Variants in TBC1D19 observed in about 807,000 individuals in gnomAD.
The protein encoded by TBC1D19 is TBC1 domain family member 19, also known as TBC1 domain family, member 19.
Under a neutral mutation model 89.0 loss-of-function variants are expected in TBC1D19, and 60 were observed. The ratio of observed to expected loss-of-function variants is 0.67; its 90% CI spans 0.55 to 0.84. The LOEUF (loss-of-function observed/expected upper bound fraction) is 0.84. Ranked by LOEUF, TBC1D19 falls within the 40% of genes least tolerant of loss-of-function variation. The probability of loss-of-function intolerance (pLI) is 0.00; values close to 1 mark genes in which losing one functional copy is unlikely to be tolerated. For synonymous variants in TBC1D19, 189 were observed against 199.7 expected (o/e 0.95, Z 0.45); for missense variants, 500 against 610.8 (o/e 0.82, Z 1.91).
chr4:26,664,852 C>A (rs1167822279), intron 8 of TBC1D19, among the ~76,000 whole-genome samples: 2 of 152,074 alleles, frequency 1.3e-5, no homozygotes, highest in East Asian at 3.9e-4. Context: ...TCTTTACTAC[C>A]TGGTTGGTCG....
At chr4:26,608,349 A>G (rs1042777921) in intron 1 of TBC1D19, among the ~76,000 whole-genome samples, 3 of 152,212 alleles carry the variant, frequency 2.0e-5, no homozygotes, top group Non-Finnish European at 4.4e-5. Flanking sequence ...TAATCACAAC[A>G]TTAGCAAACA....
the TBC1D19 span, among the ~76,000 whole-genome samples, chr4:26,773,898 G>A: frequency 3.9e-5 from 6 of 152,152 alleles, no homozygotes; most frequent in African/African-American, 7.2e-5. Flanking sequence ...GTTGGGTAAC[G>A]TGTTGCCTGG....
the TBC1D19 span, among the ~76,000 whole-genome samples, chr4:26,775,698 C>G: frequency 6.6e-6 from 1 of 152,120 alleles, no homozygotes; most frequent in Non-Finnish European, 1.5e-5. Context: ...TATAAATTAC[C>G]CAGTCTCAGG....
At position 26,755,376 on chromosome 4, in the gene TBC1D19, CCTCA is replaced by C. The variant is rs1419765965; in HGVS notation, c.*432_*435del. ...GTATTGTTTTGTCTCATAAATTGCT[CCTCA>C]CTAAGAGCCAGGGGTGGGGTAGGGT... On this transcript the variant is annotated 3_prime_UTR_variant, in exon 21 of 21. Coordinates refer to ENST00000264866, the MANE Select transcript of TBC1D19 (RefSeq NM_018317.4). 2 of 152,160 alleles carry C rather than the reference CCTCA, an allele frequency of 1.3e-5. No homozygotes were observed. Among genetic ancestry groups the C allele is most frequent in the Non-Finnish European group, 2.9e-5 (2 of 67,978 alleles). 9.4% of individuals were successfully genotyped at this position (152,160 alleles called of 1,614,324 possible). A position where few individuals can be genotyped will look rare whatever the true frequency, so the allele number is the denominator to read the frequency against.
intron 13 of TBC1D19, among the ~76,000 whole-genome samples, chr4:26,704,600 G>A (rs1252397364): frequency 6.6e-6 from 1 of 152,110 alleles, no homozygotes; most frequent in African/African-American, 2.4e-5. Flanking sequence ...TATAGGCACT[G>A]TGTTAGGTGC....
At chr4:26,847,308 G>A in the TBC1D19 span, among the ~76,000 whole-genome samples, 1 of 152,204 alleles carries the variant, frequency 6.6e-6, no homozygotes, top group Non-Finnish European at 1.5e-5. Flanking sequence ...AGGCATGGAA[G>A]TTAAGAAGCA....
At chr4:26,577,103 A>G (rs886638218) in intron 1 of TBC1D19, among the ~76,000 whole-genome samples, 13 of 152,314 alleles carry the variant, frequency 8.5e-5, no homozygotes, top group African/African-American at 3.1e-4. Context: ...TAAAGCTGGA[A>G]CATAGAAAAT....
At chr4:26,756,406 G>A (rs1719263664), downstream of TBC1D19, among the ~76,000 whole-genome samples, 1 of 152,062 alleles carries the variant, frequency 6.6e-6, no homozygotes, top group African/African-American at 2.4e-5. Context: ...TTTTTCTTTA[G>A]GAGAATATGC....
chr4:26,642,867 C>T (rs1743644362), intron 7 of TBC1D19, among the ~76,000 whole-genome samples: 1 of 152,166 alleles, frequency 6.6e-6, no homozygotes, highest in Non-Finnish European at 1.5e-5. Flanking sequence ...ATCAATTCAA[C>T]AAGAAGAGCT....
At chr4:26,579,109 A>G (rs185827660), upstream of TBC1D19, among the ~76,000 whole-genome samples, 8 of 152,340 alleles carry the variant, frequency 5.3e-5, no homozygotes, top group East Asian at 1.5e-3. Flanking sequence ...TTAGATTCTC[A>G]GTCTAAACCA....
At chr4:26,733,262 T>A in intron 15 of TBC1D19, among the ~76,000 whole-genome samples, 1 of 152,236 alleles carries the variant, frequency 6.6e-6, no homozygotes, top group Admixed American at 6.5e-5. Context: ...TTGTAAATGA[T>A]AACATCAACA....
At chr4:26,657,082 T>TC (rs1744904128) in intron 7 of TBC1D19, among the ~76,000 whole-genome samples, 1 of 143,930 alleles carries the variant, frequency 6.9e-6, no homozygotes, top group African/African-American at 2.5e-5. Flanking sequence ...TTCTTCTTCA[T>TC]TTATTTATTT....
intron 19 of TBC1D19, among the ~76,000 whole-genome samples, chr4:26,750,351 T>C (rs2109332325): frequency 6.6e-6 from 1 of 152,320 alleles, no homozygotes; most frequent in East Asian, 1.9e-4. Context: ...CATTAAAGCA[T>C]GTTTAAAAGG....
At chr4:26,636,488 T>TAAAAAAAAAAAAAAAAAAAAA (rs71643685) in intron 4 of TBC1D19, among the ~76,000 whole-genome samples, 1 of 131,028 alleles carries the variant, frequency 7.6e-6, no homozygotes. Flanking sequence ...GTCAGTATCA[T>TAAAAAAAAAAAAAAAAAAAAA]AAAAAAAAAA....
At chr4:26,729,757 A>G (rs1327334420) in intron 15 of TBC1D19, among the ~76,000 whole-genome samples, 1 of 152,218 alleles carries the variant, frequency 6.6e-6, no homozygotes, top group African/African-American at 2.4e-5. Flanking sequence ...AGGCCAGATC[A>G]AAGGTCTTGA....
chr4:26,579,023 G>T (rs1739022393), intron 1 of TBC1D19, among the ~76,000 whole-genome samples: 1 of 151,994 alleles, frequency 6.6e-6, no homozygotes, highest in African/African-American at 2.4e-5. Flanking sequence ...TTTGCAATGG[G>T]TTAGCCTTAT....
intron 7 of TBC1D19, among the ~76,000 whole-genome samples, chr4:26,656,334 T>G (rs755987518): frequency 6.6e-6 from 1 of 152,104 alleles, no homozygotes. Context: ...TTGAGGCATA[T>G]TATACTGTAT....
At chr4:26,686,297 G>C (rs1320341422) in intron 12 of TBC1D19, among the ~76,000 whole-genome samples, 1 of 152,148 alleles carries the variant, frequency 6.6e-6, no homozygotes, top group African/African-American at 2.4e-5. Context: ...CAACCAGGCT[G>C]TTGAGCAAAG....
At position 26,638,824 on chromosome 4, in the gene TBC1D19, T is replaced by C. The variant is rs768527877; in HGVS notation, c.423T>C (p.Thr141=). 1 of 1,608,662 alleles carries C rather than the reference T, an allele frequency of 6.2e-7. No homozygotes were observed. Among genetic ancestry groups the C allele is most frequent in the South Asian group, 1.1e-5 (1 of 89,436 alleles). ...ELLNKWNEMG[T]DEPDLSLFRP... ...TTAATAAATGGAATGAAATGGGAACTGATGAACCAGGTATGTGAACAATTT... is the reference window on the plus strand; with the variant it reads ...TTAATAAATGGAATGAAATGGGAACCGATGAACCAGGTATGTGAACAATTT... Residue 141 remains threonine (T), a synonymous_variant, in exon 6 of 21, where the codon ACT becomes ACC. Transcript: ENST00000264866.
Sources: gnomAD v4.1 joint callset for allele counts (sites outside exome capture counted in the v4.1 genomes callset) on GRCh38, gnomAD v4.1.1 for gene constraint, MANE v1.5 for transcripts, NCBI Gene and HGNC (gene_info 2026-07-23, HGNC 2026-07-21) for gene names.